CHRDL1: variants seen among roughly 807,000 people sequenced by gnomAD.
CHRDL1 encodes the protein chordin-like protein 1.
A neutral mutation model predicts 40.9 loss-of-function variants in CHRDL1; 19 were observed. The observed-to-expected ratio is 0.46, with a 90% CI of 0.32 to 0.68. CHRDL1 has a LOEUF of 0.68. CHRDL1 is among the 30% of genes least tolerant of loss of function. The pLI, the probability that CHRDL1 is intolerant of heterozygous loss-of-function variation, is 0.03. For synonymous variants in CHRDL1, 136 were observed against 123.4 expected (o/e 1.10, Z -0.68); for missense variants, 329 against 352.1 (o/e 0.93, Z 0.53).
At chrX:110,774,408 G>T (rs1300006982) in intron 2 of CHRDL1, among the ~76,000 whole-genome samples, 1 of 110,371 alleles carries the variant, frequency 9.1e-6, no homozygotes, top group Non-Finnish European at 1.9e-5. Flanking sequence ...CACACACAAA[G>T]AAAAATATCA....
chrX:110,709,647 C>T (rs1459163481), intron 6 of CHRDL1, among the ~76,000 whole-genome samples: 1 of 111,908 alleles, frequency 8.9e-6, no homozygotes, highest in Non-Finnish European at 1.9e-5. Flanking sequence ...TGAGGCTTGA[C>T]AGGAAAGATA....
intron 10 of CHRDL1, among the ~76,000 whole-genome samples, chrX:110,680,383 C>G (rs2069869488): frequency 9.0e-6 from 1 of 111,703 alleles, no homozygotes; most frequent in Admixed American, 9.5e-5. Context: ...TGAATATATA[C>G]ATGTTCAAGC....
intron 8 of CHRDL1, among the ~76,000 whole-genome samples, chrX:110,689,949 CTATATATA>C (rs1408529268): frequency 6.2e-5 from 1 of 16,022 alleles, no homozygotes; most frequent in African/African-American, 8.4e-4. Flanking sequence ...ATCTATATAT[CTATATATA>C]TCTATATATC....
At chrX:110,744,994 C>CACAA (rs1345204468) in intron 4 of CHRDL1, among the ~76,000 whole-genome samples, 1 of 95,521 alleles carries the variant, frequency 1.0e-5, no homozygotes, top group African/African-American at 5.8e-5. Context: ...CACACACACA[C>CACAA]ATACATACCA....
chrX:110,785,350 G>A lies in CHRDL1; in HGVS notation c.94+6738C>T, dbSNP rs148136380. 5.9e-3 allele frequency among the ~76,000 whole-genome samples: 661 copies of A among 111,712 alleles called. 6 individuals carry two copies. The highest frequency in any genetic ancestry group is 0.021 in the African/African-American group (646 of 30,734). ...AAATACTGCATGTTCTCACTTACAA[G>A]TGGAAGCTAAATAATGTGTATATAT... On this transcript the variant is annotated intron_variant, in intron 2 of 11. Transcript: ENST00000372042.
chrX:110,785,783 T>A (rs897026484), intron 2 of CHRDL1, among the ~76,000 whole-genome samples: 1 of 112,078 alleles, frequency 8.9e-6, no homozygotes, highest in Non-Finnish European at 1.9e-5. Context: ...CATCTATTTT[T>A]AAAATCAGAA....
chrX:110,688,852 G>A, intron 8 of CHRDL1, 49 bp from the exon 9 acceptor site: 1 of 975,535 alleles, frequency 1.0e-6, no homozygotes, highest in Non-Finnish European at 1.5e-6. Flanking sequence ...AGCTAAAATG[G>A]AACCCTATAT....
In CHRDL1 at chrX:110,741,480, C is replaced by G. The variant is rs144162147; in HGVS notation, c.301+18181G>C. 0.014 allele frequency among the ~76,000 whole-genome samples: 1,549 copies of G among 110,645 alleles called. 64 individuals carry two copies. The East Asian group carries it at 0.17, about 12-fold the overall frequency. ...GTGGGAGGTACAGTTTGTCCACCTC[C>G]CTGAACTCAGCACAGTGCAAGCAGG... On this transcript the variant is annotated intron_variant, in intron 4 of 11. Coordinates refer to ENST00000372042, the MANE Select transcript of CHRDL1 (RefSeq NM_001143981.2).
Position 110,689,072 on chromosome X carries a change from G to GTATATATATA in CHRDL1, c.779-279_779-270dup, listed in dbSNP as rs758293619. 9.0e-4 allele frequency among the ~76,000 whole-genome samples: 28 copies of GTATATATATA among 31,152 alleles called. 1 individual carries two copies. The highest frequency in any genetic ancestry group is 3.2e-3 in the African/African-American group (13 of 4,061). The allele number at this position is 31,152 out of a possible 115,157, so 27.1% of individuals were successfully genotyped here. On this transcript the variant is annotated intron_variant, in intron 8 of 11. Transcript: ENST00000372042. ...GTAGGCAGTCCATAAATATATATAT[G>GTATATATATA]TATATATATATATATATATATATAT...
chrX:110,716,865 T>G (rs2070851238), intron 6 of CHRDL1, among the ~76,000 whole-genome samples: 1 of 111,546 alleles, frequency 9.0e-6, no homozygotes, highest in Non-Finnish European at 1.9e-5. Context: ...CAGTTGTTAC[T>G]TAGACAGCCC....
At chrX:110,707,433 C>T (rs1243080979) in intron 6 of CHRDL1, among the ~76,000 whole-genome samples, 1 of 111,189 alleles carries the variant, frequency 9.0e-6, no homozygotes, top group African/African-American at 3.3e-5. Flanking sequence ...GGTACTGGTA[C>T]CAAAACAGAT....
At chrX:110,695,917 A>G (rs1368156436) in intron 7 of CHRDL1, among the ~76,000 whole-genome samples, 1 of 112,388 alleles carries the variant, frequency 8.9e-6, no homozygotes, top group Non-Finnish European at 1.9e-5. Context: ...TGCTATCAAA[A>G]TTCACACAAA....
chrX:110,790,883 A>C (rs896429726), intron 2 of CHRDL1, among the ~76,000 whole-genome samples: 7 of 105,586 alleles, frequency 6.6e-5, no homozygotes, highest in African/African-American at 1.0e-4. Context: ...ATGCCCCACT[A>C]AACTTCCTTT....
chrX:110,794,807 G>A (rs1238227731), intron 1 of CHRDL1, among the ~76,000 whole-genome samples: 1 of 112,166 alleles, frequency 8.9e-6, no homozygotes, highest in Non-Finnish European at 1.9e-5. Context: ...TGAGAGGCTT[G>A]ACTGACCTTG....
rs769822355 is a variant in CHRDL1 at position 110,675,401 on chromosome X, G to A, written c.*830C>T. 5 of 111,348 alleles carry A rather than the reference G, an allele frequency of 4.5e-5. No individual in the cohort carries two copies. In the South Asian group the frequency reaches 1.5e-3, roughly 34 times the overall value. The allele number at this position is 111,348 out of a possible 1,213,427, so 9.2% of individuals were successfully genotyped here. On this transcript the variant is annotated 3_prime_UTR_variant, in exon 12 of 12. Coordinates refer to ENST00000372042, the MANE Select transcript of CHRDL1 (RefSeq NM_001143981.2). Reference sequence around the variant, plus strand: ...TTCTGGAAGTCCCATAGGTACAGGGGGAAAAGAAAAGTGGTATCATTAGGG... The same window carrying A: ...TTCTGGAAGTCCCATAGGTACAGGGAGAAAAGAAAAGTGGTATCATTAGGG...
intron 1 of CHRDL1, 188 bp downstream of exon 1, chrX:110,795,556 G>GAA (rs1027884512): frequency 9.0e-6 from 1 of 111,420 alleles, no homozygotes; most frequent in African/African-American, 3.3e-5. Flanking sequence ...GCTTTGGTCA[G>GAA]AAGCCTTGGG....
At chrX:110,777,324 T>G (rs1456090835) in intron 2 of CHRDL1, among the ~76,000 whole-genome samples, 3 of 82,530 alleles carry the variant, frequency 3.6e-5, no homozygotes, top group African/African-American at 8.4e-5. Context: ...TGCAGGTTTT[T>G]GTGGGACATA....
intron 2 of CHRDL1, among the ~76,000 whole-genome samples, chrX:110,768,313 C>T (rs140204763): frequency 1.8e-5 from 2 of 111,873 alleles, no homozygotes; most frequent in South Asian, 3.8e-4. Flanking sequence ...AGTCCCTGCT[C>T]CCATTCAACT....
intron 6 of CHRDL1, among the ~76,000 whole-genome samples, chrX:110,718,158 A>G (rs2070877796): frequency 8.9e-6 from 1 of 111,733 alleles, no homozygotes; most frequent in Admixed American, 9.5e-5. Context: ...AGGTCATTCA[A>G]CTACAAAGTA....
Sources: allele counts gnomAD v4.1 joint callset (sites outside exome capture counted in the v4.1 genomes callset), GRCh38; gene constraint gnomAD v4.1.1; transcripts MANE v1.5; gene names NCBI Gene and HGNC (gene_info 2026-07-23, HGNC 2026-07-21).